The following FAM78B variants were observed in gnomAD, a reference collection of about 807,000 sequenced individuals.
FAM78B encodes family with sequence similarity 78 member B.
Under a neutral mutation model 20.0 loss-of-function variants are expected in FAM78B, and 10 were observed. That is an observed-to-expected ratio of 0.50 (90% CI 0.31 to 0.85). The LOEUF is 0.85. Ranked by LOEUF, FAM78B falls within the 40% of genes least tolerant of loss-of-function variation. The pLI, the probability that FAM78B is intolerant of heterozygous loss-of-function variation, is 0.05. For missense variants in FAM78B, 283 were observed against 345.0 expected, an observed-to-expected ratio of 0.82 and a Z score of 1.42; for synonymous variants, 135 against 132.8, an observed-to-expected ratio of 1.02 and a Z score of -0.12.
At chr1:166,108,838 G>A (rs1422734283) in intron 1 of FAM78B, among the ~76,000 whole-genome samples, 1 of 152,106 alleles carries the variant, frequency 6.6e-6, no homozygotes, top group Non-Finnish European at 1.5e-5. Context: ...ACAAAATAGA[G>A]AACCCAGAAA....
At position 166,069,957 on chromosome 1, in the gene FAM78B, A is replaced by C. The variant is rs1651952101; in HGVS notation, c.*284T>G. 2 of 1,133,412 alleles carry C rather than the reference A, an allele frequency of 1.8e-6. No individual in the cohort carries two copies. The highest frequency in any genetic ancestry group is 9.0e-5 in the East Asian group (2 of 22,220). The allele number at this position is 1,133,412 out of a possible 1,614,324, so 70.2% of individuals were successfully genotyped here. ...GAAAGAAATGGTCAATAGTTCAGAT[A>C]AAAGAATCATCCTGGTCAGCTCCAA... On this transcript the variant is annotated 3_prime_UTR_variant, in exon 2 of 2. Coordinates refer to ENST00000354422, the MANE Select transcript of FAM78B (RefSeq NM_001017961.5).
chr1:166,147,578 T>C (rs1655509535), intron 1 of FAM78B, among the ~76,000 whole-genome samples: 1 of 152,130 alleles, frequency 6.6e-6, no homozygotes, highest in African/African-American at 2.4e-5. Flanking sequence ...ATCACACAGC[T>C]AGTAAATGGT....
Position 166,112,696 on chromosome 1 carries a change from A to G in FAM78B, c.264-41933T>C, listed in dbSNP as rs142641801. On this transcript the variant is annotated intron_variant, in intron 1 of 1. Transcript: ENST00000354422. ...TATCCACACCCCTGCTCTCAAACCAATAACAGATGGAGATATGGCAGCAAG... is the reference window on the plus strand; with the variant it reads ...TATCCACACCCCTGCTCTCAAACCAGTAACAGATGGAGATATGGCAGCAAG... 3.7e-3 allele frequency among the ~76,000 whole-genome samples: 565 copies of G among 152,304 alleles called. 16 individuals carry two copies. The highest frequency in any genetic ancestry group is 0.013 in the East Asian group (65 of 5,174).
intron 1 of FAM78B, among the ~76,000 whole-genome samples, chr1:166,106,462 A>G (rs111641530): frequency 6.6e-6 from 1 of 152,020 alleles, no homozygotes; most frequent in African/African-American, 2.4e-5. Context: ...AAAAGAAAAT[A>G]TAGTACACAT....
chr1:166,152,695 TATTG>T (rs894823423), intron 1 of FAM78B, among the ~76,000 whole-genome samples: 109 of 149,242 alleles, frequency 7.3e-4, no homozygotes, highest in South Asian at 1.3e-3. Flanking sequence ...TTTATTTATT[TATTG>T]ATGGAATCTC....
chr1:166,119,706 G>A (rs1454320341), intron 1 of FAM78B, among the ~76,000 whole-genome samples: 3 of 152,200 alleles, frequency 2.0e-5, no homozygotes, highest in African/African-American at 7.2e-5. Flanking sequence ...AGACAGGAAT[G>A]AATATTCATC....
At position 166,069,573 on chromosome 1, in the gene FAM78B, T is replaced by G. The variant is rs1651933220; in HGVS notation, c.*668A>C. ...GAAAGAGGTGGGTAGACGGAACTAA[T>G]GAAGTGTTTCCGTTAGTTCACATCA... On this transcript the variant is annotated 3_prime_UTR_variant, in exon 2 of 2. Transcript: ENST00000354422. 6.6e-6 allele frequency: 1 copy of G among 152,236 alleles called. No individual in the cohort carries two copies. Among genetic ancestry groups the G allele is most frequent in the Admixed American group, 6.5e-5 (1 of 15,290 alleles). 9.4% of individuals were successfully genotyped at this position (152,236 alleles called of 1,614,324 possible).
chr1:166,100,374 T>C (rs1363886333), intron 1 of FAM78B, among the ~76,000 whole-genome samples: 1 of 152,200 alleles, frequency 6.6e-6, no homozygotes, highest in Non-Finnish European at 1.5e-5. Flanking sequence ...GCACCTAGCA[T>C]GAGCCGAAGC....
intron 1 of FAM78B, among the ~76,000 whole-genome samples, chr1:166,099,001 A>G (rs1653394383): frequency 6.6e-6 from 1 of 152,242 alleles, no homozygotes; most frequent in Non-Finnish European, 1.5e-5. Flanking sequence ...AGACAGAAGC[A>G]TCAGGTAACT....
At chr1:166,061,873 C>T (rs1651614655) in intron 2 of FAM78B, among the ~76,000 whole-genome samples, 1 of 152,184 alleles carries the variant, frequency 6.6e-6, no homozygotes, top group Non-Finnish European at 1.5e-5. Context: ...TGTGCAGAGG[C>T]CTTGAGACAC....
chr1:166,140,123 T>C (rs1031007673), intron 1 of FAM78B, among the ~76,000 whole-genome samples: 25 of 152,374 alleles, frequency 1.6e-4, no homozygotes, highest in Admixed American at 2.6e-4. Flanking sequence ...AGGAATAAGA[T>C]GGCCTTTCTA....
At chr1:166,094,002 A>AGTGTGTGTGTGTGTGTGT (rs1653175544) in intron 1 of FAM78B, among the ~76,000 whole-genome samples, 1 of 90,008 alleles carries the variant, frequency 1.1e-5, no homozygotes, top group Non-Finnish European at 2.3e-5. Context: ...CTTGCGAATG[A>AGTGTGTGTGTGTGTGTGT]CTGTGTGTGT....
intron 1 of FAM78B, among the ~76,000 whole-genome samples, chr1:166,086,207 C>A (rs1199630908): frequency 6.6e-6 from 1 of 152,100 alleles, no homozygotes; most frequent in South Asian, 2.1e-4. Flanking sequence ...TTTGACCCCT[C>A]TTCCTGGTCA....
intron 1 of FAM78B, among the ~76,000 whole-genome samples, chr1:166,090,425 A>G (rs1653021426): frequency 6.6e-6 from 1 of 152,244 alleles, no homozygotes; most frequent in Non-Finnish European, 1.5e-5. Context: ...CTAGGCTGAA[A>G]AAAACAAAAC....
chr1:166,117,219 TTCAAGAATCCTAC>T (rs1232449977), intron 1 of FAM78B, among the ~76,000 whole-genome samples: 14 of 152,290 alleles, frequency 9.2e-5, no homozygotes, highest in South Asian at 2.1e-4. Flanking sequence ...TCCAGTAGAA[TTCAAGAATCCTAC>T]TCAACAATCC....
intron 1 of FAM78B, among the ~76,000 whole-genome samples, chr1:166,084,094 G>A (rs1341429471): frequency 6.6e-6 from 1 of 151,656 alleles, no homozygotes; most frequent in Non-Finnish European, 1.5e-5. Context: ...TTCATTCATG[G>A]CATGCACCAA....
chr1:166,163,567 C>T (rs1656243633), intron 1 of FAM78B, among the ~76,000 whole-genome samples: 1 of 152,184 alleles, frequency 6.6e-6, no homozygotes, highest in Non-Finnish European at 1.5e-5. Flanking sequence ...GAACACTGCA[C>T]AGAGGTGAAA....
intron 1 of FAM78B, among the ~76,000 whole-genome samples, chr1:166,077,333 T>C (rs905299121): frequency 2.0e-5 from 3 of 152,128 alleles, no homozygotes; most frequent in Admixed American, 2.0e-4. Flanking sequence ...TGTTTCCTCA[T>C]CTAAGAAATA....
At chr1:166,077,451 A>T (rs60937909) in intron 1 of FAM78B, among the ~76,000 whole-genome samples, 3 of 151,630 alleles carry the variant, frequency 2.0e-5, no homozygotes, top group African/African-American at 7.3e-5. Context: ...TGTGTAAAAC[A>T]GGAAGAAAAA....
Sources: allele counts gnomAD v4.1 joint callset (sites outside exome capture counted in the v4.1 genomes callset), GRCh38; gene constraint gnomAD v4.1.1; transcripts MANE v1.5; gene names NCBI Gene and HGNC (gene_info 2026-07-23, HGNC 2026-07-21).